Variants in ZNF521 observed in about 807,000 individuals in gnomAD.
ZNF521 encodes the protein zinc finger protein 521.
ZNF521 carries 14 observed loss-of-function variants against 105.5 expected under a neutral mutation model. That is an observed-to-expected ratio of 0.13 (90% CI 0.09 to 0.21). ZNF521 has a LOEUF of 0.21. Among genes scored for constraint, ZNF521 ranks in the 10% least tolerant of loss-of-function variants. ZNF521 has a pLI of 1.00. For synonymous variants in ZNF521, 635 were observed against 606.0 expected, an observed-to-expected ratio of 1.05 and a Z score of -0.70; for missense variants, 1,233 against 1,629.7, an observed-to-expected ratio of 0.76 and a Z score of 4.19.
intron 3 of ZNF521, among the ~76,000 whole-genome samples, chr18:25,278,288 C>T (rs995466690): frequency 1.3e-5 from 2 of 152,120 alleles, no homozygotes; most frequent in African/African-American, 2.4e-5. Context: ...TTTTGTGTTA[C>T]TTACTCATTA....
At chr18:25,333,425 G>C (rs1420333538) in intron 2 of ZNF521, among the ~76,000 whole-genome samples, 2 of 151,818 alleles carry the variant, frequency 1.3e-5, no homozygotes, top group Non-Finnish European at 2.9e-5. Context: ...TTTTAAAAGA[G>C]AATAATAAGG....
chr18:25,224,036 G>A (rs372997270), intron 4 of ZNF521: 4 of 303,164 alleles, frequency 1.3e-5, no homozygotes, highest in South Asian at 9.4e-5. Flanking sequence ...TTCAACTCAC[G>A]GTGAAGCTAT....
In ZNF521 at chr18:25,225,482, C is replaced by T. The variant is rs370297829; in HGVS notation, c.2436G>A (p.Lys812=). Residue 812 remains lysine, a synonymous_variant, in exon 4 of 8, where the codon AAG becomes AAA. Transcript: ENST00000361524. This position sits in a 1 kb window ranked among gnomAD's most constrained non-coding sequence, Gnocchi z 5.6. ...TCGCATGGAAGGCTTTGCTACAGAA[C>T]TTGCAGTTGTACTTCTTACTGTGAG... is the stretch of plus-strand genomic sequence containing the variant. The part of the protein sequence containing the change: ...ITTHSKKYNC[K]FCSKAFHAII... The T allele has an allele frequency of 1.6e-5, 26 of 1,614,062 alleles. No homozygotes were observed. The highest frequency in any genetic ancestry group is 2.1e-5 in the Non-Finnish European group (25 of 1,180,028).
At chr18:25,324,289 C>T (rs1913088128) in intron 2 of ZNF521, among the ~76,000 whole-genome samples, 3 of 152,020 alleles carry the variant, frequency 2.0e-5, no homozygotes, top group African/African-American at 4.8e-5. Flanking sequence ...AGACCAGTTA[C>T]CTGTAAAGTA....
intron 3 of ZNF521, among the ~76,000 whole-genome samples, chr18:25,261,868 C>T (rs553682013): frequency 6.6e-6 from 1 of 152,210 alleles, no homozygotes; most frequent in African/African-American, 2.4e-5. Context: ...ATTACCCACC[C>T]CCTGCTGTGC....
chr18:25,107,326 A>G (rs1372877815), intron 5 of ZNF521, among the ~76,000 whole-genome samples: 1 of 152,198 alleles, frequency 6.6e-6, no homozygotes, highest in Non-Finnish European at 1.5e-5. Flanking sequence ...CTTTGTTGAA[A>G]TATCTTTTAA....
At chr18:25,248,718 A>G (rs1158788045) in intron 3 of ZNF521, among the ~76,000 whole-genome samples, 1 of 152,230 alleles carries the variant, frequency 6.6e-6, no homozygotes, top group Non-Finnish European at 1.5e-5. Flanking sequence ...GCACTGGCAT[A>G]TGCACACAAA....
chr18:25,250,648 G>T (rs572391200), intron 3 of ZNF521, among the ~76,000 whole-genome samples: 7 of 152,160 alleles, frequency 4.6e-5, no homozygotes, highest in African/African-American at 1.7e-4. Flanking sequence ...AGTGAACTCC[G>T]ATGTTATCAT....
intron 3 of ZNF521, among the ~76,000 whole-genome samples, chr18:25,303,271 C>CAT (rs1432623732): frequency 1.9e-4 from 25 of 132,612 alleles, no homozygotes; most frequent in African/African-American, 7.0e-4. Flanking sequence ...TTCTTTCTTT[C>CAT]GTGTGTGTGT....
intron 5 of ZNF521, among the ~76,000 whole-genome samples, chr18:25,185,252 C>G (rs1018082973): frequency 1.4e-4 from 22 of 152,022 alleles, no homozygotes; most frequent in African/African-American, 5.1e-4. Context: ...CTTTTATTTA[C>G]AGTAAATTTG....
rs993126869 is a variant in ZNF521, at chr18:25,334,075, C to G, written c.41-11888G>C. 2.6e-5 allele frequency among the ~76,000 whole-genome samples: 4 copies of G among 152,308 alleles called. No individual in the cohort carries two copies. In the East Asian group the frequency reaches 7.7e-4, roughly 29 times the overall value. ...CAATGAAGAAAACACTCCAGCACCC[C>G]CTTGCCACCACCACTAAAATATCTC... On this transcript the variant is annotated intron_variant, in intron 2 of 7. Coordinates refer to ENST00000361524, the MANE Select transcript of ZNF521 (RefSeq NM_015461.3).
At chr18:25,117,032 TACAC>T (rs71375169) in intron 5 of ZNF521, among the ~76,000 whole-genome samples, 3 of 132,144 alleles carry the variant, frequency 2.3e-5, no homozygotes, top group Admixed American at 7.8e-5. Context: ...TATATATACA[TACAC>T]ACACACACAC....
intron 3 of ZNF521, among the ~76,000 whole-genome samples, chr18:25,311,848 T>A (rs1410515802): frequency 6.6e-6 from 1 of 152,166 alleles, no homozygotes; most frequent in Non-Finnish European, 1.5e-5. Flanking sequence ...CAAATAATGC[T>A]AATTTTCTTC....
At chr18:25,289,181 AAAAC>A (rs1910872263) in intron 3 of ZNF521, among the ~76,000 whole-genome samples, 1 of 152,378 alleles carries the variant, frequency 6.6e-6, no homozygotes, top group South Asian at 2.1e-4. Flanking sequence ...AGAAAAACAA[AAAAC>A]AAACCATGGT....
At chr18:25,314,928 T>C (rs1214596465) in intron 3 of ZNF521, among the ~76,000 whole-genome samples, 1 of 152,218 alleles carries the variant, frequency 6.6e-6, no homozygotes, top group Non-Finnish European at 1.5e-5. Flanking sequence ...ACAATACTAG[T>C]TCTTACTCAG....
rs571066749 is a variant in ZNF521, at chr18:25,342,884, C to T, written c.40+8023G>A. Among the ~76,000 whole-genome samples, 13 of 152,344 alleles carry T rather than the reference C, an allele frequency of 8.5e-5. No individual in the cohort carries two copies. The East Asian group carries it at 2.3e-3, about 27-fold the overall frequency. On this transcript the variant is annotated intron_variant, in intron 2 of 7. Coordinates refer to ENST00000361524, the MANE Select transcript of ZNF521 (RefSeq NM_015461.3). The stretch of plus-strand genomic sequence containing the variant: ...ATATGTAGTCTTATTCAAGCACTAA[C>T]TGGACCTAATCTGGCTCTATTGTGA...
At chr18:25,105,600 T>TTA (rs1214904226) in intron 5 of ZNF521, among the ~76,000 whole-genome samples, 1 of 152,184 alleles carries the variant, frequency 6.6e-6, no homozygotes. Context: ...GGGTGTGGGT[T>TTA]TATATACATC....
intron 1 of ZNF521, chr18:25,351,416 AT>A (rs1437741987): frequency 1.2e-4 from 17 of 144,638 alleles, no homozygotes; most frequent in East Asian, 2.2e-4. Flanking sequence ...CGTCTGGGTG[AT>A]TTTTTTTTTC....
At chr18:25,143,705 T>C (rs1375774669) in intron 5 of ZNF521, among the ~76,000 whole-genome samples, 1 of 152,134 alleles carries the variant, frequency 6.6e-6, no homozygotes, top group Non-Finnish European at 1.5e-5. Flanking sequence ...AGAAACAACG[T>C]GTTTTCCCCA....
Sources: gnomAD v4.1 joint callset for allele counts (sites outside exome capture counted in the v4.1 genomes callset) on GRCh38, gnomAD v4.1.1 for gene constraint, Gnocchi (gnomAD v3.1) non-coding constraint, MANE v1.5 for transcripts, NCBI Gene and HGNC (gene_info 2026-07-23, HGNC 2026-07-21) for gene names.